Variants in ATP8A1 observed in about 807,000 individuals in gnomAD.
The protein encoded by ATP8A1 is ATPase phospholipid transporting 8A1, also known as phospholipid-transporting ATPase IA.
In ATP8A1, 90 loss-of-function variants were observed where a neutral mutation model predicts 177.7. The ratio of observed to expected loss-of-function variants is 0.51; its 90% CI spans 0.43 to 0.60. The LOEUF (loss-of-function observed/expected upper bound fraction) is 0.60. ATP8A1 is among the 20% of genes least tolerant of loss of function. The pLI, the probability that ATP8A1 is intolerant of heterozygous loss-of-function variation, is 0.00. For synonymous variants in ATP8A1, 493 were observed against 485.9 expected (o/e 1.01, Z -0.19); for missense variants, 1,072 against 1,392.8 (o/e 0.77, Z 3.67).
At chr4:42,474,011 C>A (rs953423421) in intron 25 of ATP8A1, among the ~76,000 whole-genome samples, 1 of 152,070 alleles carries the variant, frequency 6.6e-6, no homozygotes, top group Non-Finnish European at 1.5e-5. Context: ...CATGACCTTC[C>A]TATGTTGTGT....
chr4:42,491,477 A>G (rs1357407068), intron 24 of ATP8A1, among the ~76,000 whole-genome samples: 8 of 152,214 alleles, frequency 5.3e-5, no homozygotes, highest in East Asian at 1.9e-4. Context: ...TTTCATTAAT[A>G]TTGAGGAAAC....
chr4:42,435,470 A>G (rs111693389), intron 33 of ATP8A1, among the ~76,000 whole-genome samples: 5,969 of 149,710 alleles, frequency 0.04, 178 homozygotes, highest in South Asian at 0.06. Flanking sequence ...AAAACAAACT[A>G]TCTCCAGTTA....
chr4:42,622,441 C>A (rs972679970), intron 4 of ATP8A1, among the ~76,000 whole-genome samples: 4 of 151,830 alleles, frequency 2.6e-5, no homozygotes, highest in Non-Finnish European at 5.9e-5. Context: ...ACTATAAAAA[C>A]CCTGGAAGAA....
intron 20 of ATP8A1, among the ~76,000 whole-genome samples, chr4:42,539,395 A>AC (rs59861092): frequency 0.36 from 45,844 of 127,986 alleles, 8,600 homozygotes; most frequent in Non-Finnish European, 0.43. Context: ...AAAATAAAAT[A>AC]CCCCCCCCCC....
At chr4:42,435,456 A>AAAAAAAAAAAAAAAAAAAAAAAAAAC (rs1560320569) in intron 33 of ATP8A1, among the ~76,000 whole-genome samples, 2 of 101,074 alleles carry the variant, frequency 2.0e-5, no homozygotes, top group African/African-American at 6.4e-5. Flanking sequence ...AAAACAAAAA[A>AAAAAAAAAAAAAAAAAAAAAAAAAAC]AAAAAAACAA....
intron 21 of ATP8A1, among the ~76,000 whole-genome samples, chr4:42,524,024 G>C (rs1005657610): frequency 1.3e-5 from 2 of 152,140 alleles, no homozygotes; most frequent in Non-Finnish European, 2.9e-5. Flanking sequence ...AACTGAGACT[G>C]GAGATTTAGA....
chr4:42,644,036 T>C (rs757688712), intron 1 of ATP8A1, among the ~76,000 whole-genome samples: 9 of 152,190 alleles, frequency 5.9e-5, no homozygotes, highest in Non-Finnish European at 1.3e-4. Context: ...CAAAAACACA[T>C]GAAACAAACA....
chr4:42,480,482 C>T (rs555282027), intron 25 of ATP8A1, among the ~76,000 whole-genome samples: 1 of 152,298 alleles, frequency 6.6e-6, no homozygotes, highest in East Asian at 1.9e-4. Flanking sequence ...CAAACATCTG[C>T]TTGGCATCCA....
intron 1 of ATP8A1, among the ~76,000 whole-genome samples, chr4:42,642,525 G>A (rs768218817): frequency 2.3e-4 from 35 of 152,230 alleles, no homozygotes; most frequent in Non-Finnish European, 4.0e-4. Flanking sequence ...TAGGATGTGT[G>A]AATGACAGCT....
At chr4:42,530,412 A>C (rs531219028) in intron 20 of ATP8A1, among the ~76,000 whole-genome samples, 13 of 152,252 alleles carry the variant, frequency 8.5e-5, no homozygotes, top group Admixed American at 2.6e-4. Context: ...GGGTTTGCCT[A>C]TCCTGCACGC....
intron 22 of ATP8A1, among the ~76,000 whole-genome samples, chr4:42,516,929 C>T (rs1725599883): frequency 6.6e-6 from 1 of 152,174 alleles, no homozygotes; most frequent in African/African-American, 2.4e-5. Context: ...AGAGAAACCC[C>T]TGCCAATGAA....
At chr4:42,480,857 A>G (rs1449397707) in intron 25 of ATP8A1, among the ~76,000 whole-genome samples, 2 of 152,216 alleles carry the variant, frequency 1.3e-5, no homozygotes, top group Non-Finnish European at 2.9e-5. Context: ...CAAGTAGGAA[A>G]AAATGCTTAC....
At position 42,575,613 on chromosome 4, in the gene ATP8A1, T is replaced by C; in HGVS notation, c.1206+9A>G. 6.2e-7 allele frequency: 1 copy of C among 1,611,764 alleles called. No homozygotes were observed. The highest frequency in any genetic ancestry group is 8.5e-7 in the Non-Finnish European group (1 of 1,178,190). On this transcript the variant is annotated intron_variant, in intron 13 of 36. Coordinates refer to ENST00000381668, the MANE Select transcript of ATP8A1 (RefSeq NM_006095.2). ...ATTCCACACATAATCAACAATAAATTGAGTTTACCTGGCCAAGTTCCTCAT... is the reference window on the plus strand; with the variant it reads ...ATTCCACACATAATCAACAATAAATCGAGTTTACCTGGCCAAGTTCCTCAT...
chr4:42,619,257 C>T (rs185785935), intron 4 of ATP8A1, among the ~76,000 whole-genome samples: 134 of 152,228 alleles, frequency 8.8e-4, no homozygotes, highest in African/African-American at 3.2e-3. Flanking sequence ...TATTTGGTTC[C>T]TACGCATTGT....
chr4:42,436,329 C>G (rs1715996082), intron 33 of ATP8A1, among the ~76,000 whole-genome samples: 1 of 152,214 alleles, frequency 6.6e-6, no homozygotes. Flanking sequence ...TCGATCTACA[C>G]TTGCCGTATA....
At chr4:42,466,172 C>G (rs1030047555) in intron 25 of ATP8A1, among the ~76,000 whole-genome samples, 14 of 151,438 alleles carry the variant, frequency 9.2e-5, no homozygotes, top group African/African-American at 3.2e-4. Context: ...ATAAATTGTT[C>G]TAACAAACAG....
At chr4:42,558,163 T>G (rs904362994) in intron 15 of ATP8A1, among the ~76,000 whole-genome samples, 12 of 152,284 alleles carry the variant, frequency 7.9e-5, no homozygotes, top group African/African-American at 2.9e-4. Context: ...CTCCAAAATT[T>G]TACAAAATAT....
chr4:42,627,058 T>C lies in ATP8A1; in HGVS notation c.101A>G (p.Glu34Gly). 6.2e-7 allele frequency: 1 copy of C among 1,614,150 alleles called. No homozygotes were observed. The change falls in exon 2 of 37, where the codon GAG becomes GGG. Residue 34 changes from glutamate (E) to glycine (G), a missense_variant. This residue lies in a region of ATP8A1 where 344 missense variants were observed against 393.5 expected (regional missense o/e 0.87). Transcript: ENST00000381668. The part of the protein sequence containing the change: ...VSEKTSLADQ[E>G]EVRTIFINQP... Reference sequence around the variant, plus strand: ...GTTGATGAAAATAGTCCTTACTTCCTCCTGGTCAGCCAGTGAGGTCTTCTC... The same window carrying C: ...GTTGATGAAAATAGTCCTTACTTCCCCCTGGTCAGCCAGTGAGGTCTTCTC...
chr4:42,540,656 A>G (rs1197017108), intron 20 of ATP8A1, among the ~76,000 whole-genome samples: 1 of 152,166 alleles, frequency 6.6e-6, no homozygotes, highest in Non-Finnish European at 1.5e-5. Context: ...ACTGGAGGTC[A>G]TTATCAAGTG....
Sources: allele counts gnomAD v4.1 joint callset (sites outside exome capture counted in the v4.1 genomes callset), GRCh38; gene constraint gnomAD v4.1.1; regional missense constraint gnomAD v4.1.1; transcripts MANE v1.5; gene names NCBI Gene and HGNC (gene_info 2026-07-23, HGNC 2026-07-21).